PDE1C: variants seen among roughly 807,000 people sequenced by gnomAD.
The protein encoded by PDE1C is phosphodiesterase 1C.
Under a neutral mutation model 93.1 loss-of-function variants are expected in PDE1C, and 62 were observed. That is an observed-to-expected ratio of 0.67 (90% confidence interval 0.54 to 0.82). The LOEUF is 0.82. PDE1C is among the 40% of genes least tolerant of loss of function. PDE1C has a pLI of 0.00. For missense variants in PDE1C, 742 were observed against 884.6 expected, an observed-to-expected ratio of 0.84 and a Z score of 2.04; for synonymous variants, 325 against 310.1, an observed-to-expected ratio of 1.05 and a Z score of -0.50.
intron 14 of PDE1C, among the ~76,000 whole-genome samples, chr7:31,819,215 G>T (rs1437171484): frequency 6.6e-6 from 1 of 152,082 alleles, no homozygotes; most frequent in African/African-American, 2.4e-5. Flanking sequence ...GCTGACATTA[G>T]TGTGATCGAC....
chr7:32,383,120 G>A (rs994700105), intron 1 of PDE1C, among the ~76,000 whole-genome samples: 1 of 152,176 alleles, frequency 6.6e-6, no homozygotes, highest in African/African-American at 2.4e-5. Context: ...GACACTAATT[G>A]CAGAAATTTG....
At chr7:32,144,565 G>A (rs1251739329) in intron 3 of PDE1C, among the ~76,000 whole-genome samples, 4 of 152,188 alleles carry the variant, frequency 2.6e-5, no homozygotes, top group African/African-American at 7.2e-5. Flanking sequence ...AAGTAGGGGA[G>A]CCAAACTTCC....
intron 1 of PDE1C, among the ~76,000 whole-genome samples, chr7:32,340,980 C>T (rs1365884554): frequency 6.6e-6 from 1 of 151,914 alleles, no homozygotes; most frequent in African/African-American, 2.4e-5. Context: ...CCAAGAATGG[C>T]CCCTAATGTA....
the PDE1C span, among the ~76,000 whole-genome samples, chr7:31,666,753 C>T: frequency 6.6e-6 from 1 of 152,024 alleles, no homozygotes; most frequent in African/African-American, 2.4e-5. Flanking sequence ...CCCCTTATGC[C>T]CCTTTTTGTT....
At chr7:32,000,980 CTG>C (rs1712192851) in intron 2 of PDE1C, among the ~76,000 whole-genome samples, 1 of 147,998 alleles carries the variant, frequency 6.8e-6, no homozygotes, top group Non-Finnish European at 1.5e-5. Context: ...ATACATGTGC[CTG>C]TGTGTGTATA....
At chr7:32,182,418 G>A (rs562403729) in intron 2 of PDE1C, among the ~76,000 whole-genome samples, 332 of 152,178 alleles carry the variant, frequency 2.2e-3, no homozygotes, top group African/African-American at 7.5e-3. Context: ...CTGGCAAACC[G>A]AATCCAGCAG....
intron 1 of PDE1C, among the ~76,000 whole-genome samples, chr7:32,365,508 C>T (rs117559022): frequency 0.054 from 8,252 of 152,206 alleles, 263 homozygotes; most frequent in Non-Finnish European, 0.072. Flanking sequence ...CTAGTACAGC[C>T]GAGAAGATAT....
At chr7:31,716,998 G>A in the PDE1C span, among the ~76,000 whole-genome samples, 3 of 152,190 alleles carry the variant, frequency 2.0e-5, no homozygotes, top group Admixed American at 6.5e-5. Flanking sequence ...AAGAGCTCTT[G>A]AAGATATTTC....
At chr7:31,834,460 A>C (rs1041576736) in intron 11 of PDE1C, among the ~76,000 whole-genome samples, 1 of 152,206 alleles carries the variant, frequency 6.6e-6, no homozygotes, top group Non-Finnish European at 1.5e-5. Flanking sequence ...GAAAAGCCAC[A>C]GGGACAGAGC....
rs548342656 is a variant in PDE1C at position 32,315,026 on chromosome 7, G to A, written c.311-105487C>T. Among the ~76,000 whole-genome samples the A allele has an allele frequency of 1.3e-4, 19 of 147,936 alleles. No individual in the cohort carries two copies. The South Asian group carries it at 3.6e-3, about 28-fold the overall frequency. On this transcript the variant is annotated intron_variant, in intron 1 of 1. Transcript: ENST00000672256. ...CACACACACCCCACTTTTATATCTC[G>A]GATGTGGCTTCTGACAATGATGACA... is the stretch of plus-strand genomic sequence containing the variant.
At chr7:32,046,607 A>C (rs1792602683) in intron 2 of PDE1C, among the ~76,000 whole-genome samples, 1 of 152,190 alleles carries the variant, frequency 6.6e-6, no homozygotes, top group Admixed American at 6.5e-5. Context: ...TACTATAGTA[A>C]GTATTAAATA....
the PDE1C span, among the ~76,000 whole-genome samples, chr7:31,744,205 A>T: frequency 6.6e-6 from 1 of 152,180 alleles, no homozygotes; most frequent in East Asian, 1.9e-4. Flanking sequence ...AGTTCCTCTC[A>T]CACTATTTCC....
chr7:32,330,536 A>T lies in PDE1C; in HGVS notation c.310+97286T>A, dbSNP rs149862562. The stretch of plus-strand genomic sequence containing the variant: ...GCTAAACCCTGAGGACATGGCCTCA[A>T]TATAGCCAGAATTTCAAACTGCAGT... On this transcript the variant is annotated intron_variant, in intron 1 of 1. Transcript: ENST00000672256. Among the ~76,000 whole-genome samples, 490 of 152,374 alleles carry T rather than the reference A, an allele frequency of 3.2e-3. 3 individuals carry two copies. Among genetic ancestry groups the T allele is most frequent in the African/African-American group, 0.011 (461 of 41,598 alleles).
intron 2 of PDE1C, among the ~76,000 whole-genome samples, chr7:32,021,636 AT>A (rs1788688760): frequency 6.6e-6 from 1 of 152,148 alleles, no homozygotes; most frequent in African/African-American, 2.4e-5. Context: ...TGGCTGAAGA[AT>A]TTTGTGTACC....
intron 1 of PDE1C, among the ~76,000 whole-genome samples, chr7:32,409,796 A>G (rs1378785825): frequency 6.6e-6 from 1 of 151,748 alleles, no homozygotes; most frequent in East Asian, 1.9e-4. Flanking sequence ...ATAATATTAT[A>G]TTCCTTAATA....
chr7:32,048,894 CAAAAT>C (rs1173607826), intron 2 of PDE1C, among the ~76,000 whole-genome samples: 5 of 151,906 alleles, frequency 3.3e-5, no homozygotes, highest in African/African-American at 4.8e-5. Flanking sequence ...ATTACAGTGA[CAAAAT>C]AAAAAAAGGC....
intron 2 of PDE1C, among the ~76,000 whole-genome samples, chr7:32,024,895 T>C (rs954243545): frequency 1.3e-5 from 2 of 152,130 alleles, no homozygotes; most frequent in African/African-American, 4.8e-5. Flanking sequence ...CCTTTCCTCA[T>C]TTTAGGGAAC....
At chr7:32,356,854 T>G (rs539653290) in intron 1 of PDE1C, among the ~76,000 whole-genome samples, 1 of 152,270 alleles carries the variant, frequency 6.6e-6, no homozygotes, top group South Asian at 2.1e-4. Context: ...CTGATTTCCA[T>G]AGCTAAGAGA....
At chr7:31,966,733 A>G (rs1299827722) in intron 2 of PDE1C, among the ~76,000 whole-genome samples, 1 of 152,250 alleles carries the variant, frequency 6.6e-6, no homozygotes, top group African/African-American at 2.4e-5. Context: ...AGCAAATGTG[A>G]AAGAACAGAA....
Sources: allele counts gnomAD v4.1 joint callset (sites outside exome capture counted in the v4.1 genomes callset), GRCh38; gene constraint gnomAD v4.1.1; transcripts MANE v1.5; gene names NCBI Gene and HGNC (gene_info 2026-07-23, HGNC 2026-07-21).